DYNC1I1: variants seen among roughly 807,000 people sequenced by gnomAD.
The protein encoded by DYNC1I1 is dynein cytoplasmic 1 intermediate chain 1.
A neutral mutation model predicts 86.6 loss-of-function variants in DYNC1I1; 43 were observed. The ratio of observed to expected loss-of-function variants is 0.50; its 90% CI spans 0.39 to 0.64. The LOEUF (loss-of-function observed/expected upper bound fraction) is 0.64. Among genes scored for constraint, DYNC1I1 ranks in the 30% least tolerant of loss-of-function variants. DYNC1I1 has a pLI of 0.00. For synonymous variants in DYNC1I1, 262 were observed against 283.7 expected (o/e 0.92, Z 0.77); for missense variants, 604 against 788.8 (o/e 0.77, Z 2.81).
chr7:95,791,415 T>C (rs1010511761), intron 1 of DYNC1I1, among the ~76,000 whole-genome samples: 1 of 152,236 alleles, frequency 6.6e-6, no homozygotes, highest in Non-Finnish European at 1.5e-5. Context: ...AAGCTAGTCA[T>C]ATCTAAAGAT....
At chr7:95,968,710 G>T (rs1793081651) in intron 6 of DYNC1I1, among the ~76,000 whole-genome samples, 1 of 152,202 alleles carries the variant, frequency 6.6e-6, no homozygotes, top group African/African-American at 2.4e-5. Flanking sequence ...GAATGGAATT[G>T]TCTAAAAGCG....
intron 6 of DYNC1I1, among the ~76,000 whole-genome samples, chr7:95,902,708 A>G (rs1791071384): frequency 6.6e-6 from 1 of 152,194 alleles, no homozygotes. Context: ...TAGTCGTCTA[A>G]AAACATGATA....
chr7:96,003,046 T>C (rs916095413), intron 10 of DYNC1I1, among the ~76,000 whole-genome samples: 2 of 152,114 alleles, frequency 1.3e-5, no homozygotes, highest in African/African-American at 2.4e-5. Flanking sequence ...GATTTCACCA[T>C]GTTGGCCAGG....
intron 16 of DYNC1I1, among the ~76,000 whole-genome samples, chr7:96,092,801 C>CTT (rs970002964): frequency 6.6e-6 from 1 of 152,106 alleles, no homozygotes; most frequent in African/African-American, 2.4e-5. Flanking sequence ...TGCACTTTTG[C>CTT]TTTTGCTTGT....
chr7:96,019,915 A>G (rs926375587), intron 10 of DYNC1I1, among the ~76,000 whole-genome samples: 4 of 152,090 alleles, frequency 2.6e-5, no homozygotes, highest in Non-Finnish European at 4.4e-5. Context: ...ATGGGAATAT[A>G]TTGTTTATCT....
At chr7:95,831,133 G>T (rs1329861496) in intron 5 of DYNC1I1, among the ~76,000 whole-genome samples, 1 of 152,044 alleles carries the variant, frequency 6.6e-6, no homozygotes, top group African/African-American at 2.4e-5. Context: ...GCTTTATGGG[G>T]TATATAATTT....
intron 6 of DYNC1I1, among the ~76,000 whole-genome samples, chr7:95,877,376 T>C (rs1373279749): frequency 6.6e-6 from 1 of 152,044 alleles, no homozygotes; most frequent in Non-Finnish European, 1.5e-5. Context: ...AAAAGCAAGC[T>C]AAGTAGACCA....
chr7:95,821,674 T>C (rs573492691), intron 4 of DYNC1I1, among the ~76,000 whole-genome samples: 2 of 152,208 alleles, frequency 1.3e-5, no homozygotes, highest in South Asian at 4.1e-4. Context: ...ATTATAATCA[T>C]CATTATCATT....
chr7:95,942,051 A>T (rs1792239884), intron 6 of DYNC1I1, among the ~76,000 whole-genome samples: 1 of 152,210 alleles, frequency 6.6e-6, no homozygotes, highest in Non-Finnish European at 1.5e-5. Context: ...TAGAGACACA[A>T]AAAACCCTTC....
At chr7:95,987,221 A>G in intron 9 of DYNC1I1, 66 bp downstream of exon 9, 1 of 1,414,688 alleles carries the variant, frequency 7.1e-7, no homozygotes, top group Non-Finnish European at 9.9e-7. Context: ...ATAAAAAAAT[A>G]AGAGATTTGT....
At chr7:95,912,236 C>A (rs895132120) in intron 6 of DYNC1I1, among the ~76,000 whole-genome samples, 6 of 152,118 alleles carry the variant, frequency 3.9e-5, no homozygotes, top group African/African-American at 1.4e-4. Context: ...GGGGTTTCAC[C>A]ATGTTGGCCA....
intron 6 of DYNC1I1, among the ~76,000 whole-genome samples, chr7:95,942,640 C>T (rs567435887): frequency 9.2e-4 from 139 of 151,576 alleles, no homozygotes; most frequent in African/African-American, 3.2e-3. Flanking sequence ...ACTGGCAAAA[C>T]GAATCCAGCA....
intron 14 of DYNC1I1, 22 bp from the exon 15 acceptor site, chr7:96,076,035 T>A: frequency 6.2e-7 from 1 of 1,609,848 alleles, no homozygotes; most frequent in Non-Finnish European, 8.5e-7. Flanking sequence ...CACAAAGTCT[T>A]CACGGTCTCT....
intron 14 of DYNC1I1, among the ~76,000 whole-genome samples, chr7:96,063,602 T>G (rs143016177): frequency 4.7e-4 from 71 of 151,812 alleles, no homozygotes; most frequent in African/African-American, 1.6e-3. Context: ...TACACGTTTG[T>G]GTCCTAATCT....
intron 6 of DYNC1I1, among the ~76,000 whole-genome samples, chr7:95,923,805 T>C (rs1791672479): frequency 1.3e-5 from 2 of 152,158 alleles, no homozygotes; most frequent in East Asian, 3.8e-4. Flanking sequence ...ATTGTACAAA[T>C]GGCATTTGAG....
At chr7:95,787,784 T>G (rs1292485439) in intron 1 of DYNC1I1, among the ~76,000 whole-genome samples, 1 of 151,996 alleles carries the variant, frequency 6.6e-6, no homozygotes, top group South Asian at 2.1e-4. Flanking sequence ...AAGAAAAACT[T>G]AAGGCAGCAG....
chr7:95,915,624 T>C (rs866234213), intron 6 of DYNC1I1, among the ~76,000 whole-genome samples: 7 of 152,186 alleles, frequency 4.6e-5, no homozygotes, highest in Admixed American at 1.3e-4. Context: ...ATTTAATGTG[T>C]TTTTTTCAGT....
chr7:95,855,522 G>A (rs1789695703), intron 5 of DYNC1I1, among the ~76,000 whole-genome samples: 1 of 152,168 alleles, frequency 6.6e-6, no homozygotes, highest in Non-Finnish European at 1.5e-5. Context: ...AAAGTCATGT[G>A]TTGCTTAATG....
At chr7:95,847,725 T>C (rs193082332) in intron 5 of DYNC1I1, among the ~76,000 whole-genome samples, 126 of 152,274 alleles carry the variant, frequency 8.3e-4, no homozygotes, top group African/African-American at 2.5e-3. Context: ...GAAAACCTTG[T>C]CTCTCAGACA....
Sources: allele counts gnomAD v4.1 joint callset (sites outside exome capture counted in the v4.1 genomes callset), GRCh38; gene constraint gnomAD v4.1.1; transcripts MANE v1.5; gene names NCBI Gene and HGNC (gene_info 2026-07-23, HGNC 2026-07-21).